NEBL: variants seen among roughly 807,000 people sequenced by gnomAD.
NEBL encodes nebulette, also known as LIM and SH3 protein 2.
A neutral mutation model predicts 140.2 loss-of-function variants in NEBL; 122 were observed. The observed-to-expected ratio is 0.87, with a 90% CI of 0.75 to 1.01. The LOEUF is 1.01. Among genes scored for constraint, NEBL ranks in the 50% least tolerant of loss-of-function variants. NEBL has a pLI of 0.00. For missense variants in NEBL, 1,365 were observed against 1,231.3 expected, an observed-to-expected ratio of 1.11 and a Z score of -1.62; for synonymous variants, 436 against 398.9, an observed-to-expected ratio of 1.09 and a Z score of -1.11.
intron 2 of NEBL, among the ~76,000 whole-genome samples, chr10:21,028,507 G>A (rs1038593327): frequency 2.6e-5 from 4 of 152,064 alleles, no homozygotes; most frequent in African/African-American, 7.2e-5. Flanking sequence ...TAATAACAGT[G>A]TCTACTATAT....
chr10:21,155,814 C>T (rs1840316981), intron 2 of NEBL, among the ~76,000 whole-genome samples: 1 of 152,206 alleles, frequency 6.6e-6, no homozygotes, highest in South Asian at 2.1e-4. Flanking sequence ...CGTGTTTCCA[C>T]TTATTGAGCT....
chr10:21,231,538 C>CA (rs201224705), intron 3 of NEBL, among the ~76,000 whole-genome samples: 6,043 of 144,000 alleles, frequency 0.042, 182 homozygotes, highest in South Asian at 0.14. Flanking sequence ...GACTCTGTCT[C>CA]AAAAAAAAAC....
intron 4 of NEBL, among the ~76,000 whole-genome samples, chr10:20,942,307 TTGACAAACC>T (rs1279169426): frequency 6.6e-6 from 1 of 152,206 alleles, no homozygotes; most frequent in East Asian, 1.9e-4. Flanking sequence ...CATCTGTTCT[TTGACAAACC>T]TGACAAAAAC....
chr10:20,848,825 C>T (rs1405807396), intron 11 of NEBL, among the ~76,000 whole-genome samples: 2 of 152,156 alleles, frequency 1.3e-5, no homozygotes, highest in Non-Finnish European at 2.9e-5. Context: ...ACAAAAAATA[C>T]AAGTAATTCT....
chr10:20,829,355 A>ATG (rs1174339042), intron 16 of NEBL, among the ~76,000 whole-genome samples: 2 of 150,302 alleles, frequency 1.3e-5, no homozygotes, highest in East Asian at 4.0e-4. Flanking sequence ...CAAACACTGC[A>ATG]TATTCTCACT....
chr10:20,850,541 C>G, intron 10 of NEBL, 39 bp from the exon 11 acceptor site: 1 of 1,332,378 alleles, frequency 7.5e-7, no homozygotes, highest in Non-Finnish European at 1.1e-6. Context: ...AATCGAAAGT[C>G]CTTATACAAA....
intron 2 of NEBL, among the ~76,000 whole-genome samples, chr10:21,040,867 G>T (rs901988470): frequency 2.6e-5 from 4 of 151,970 alleles, no homozygotes; most frequent in African/African-American, 9.7e-5. Context: ...CTTCCCCTTA[G>T]CCCTCTTCCT....
intron 3 of NEBL, among the ~76,000 whole-genome samples, chr10:21,206,386 T>G (rs1336647871): frequency 6.6e-6 from 1 of 152,228 alleles, no homozygotes; most frequent in Non-Finnish European, 1.5e-5. Context: ...CATGTGCTAG[T>G]GAAAATTCAG....
chr10:20,933,375 G>A (rs186735515), intron 4 of NEBL, among the ~76,000 whole-genome samples: 14 of 152,204 alleles, frequency 9.2e-5, no homozygotes, highest in South Asian at 4.1e-4. Context: ...AAACTTACCC[G>A]TACACTACTA....
chr10:20,836,006 G>A (rs1216495094), intron 13 of NEBL, among the ~76,000 whole-genome samples: 2 of 152,056 alleles, frequency 1.3e-5, no homozygotes, highest in African/African-American at 4.8e-5. Context: ...AACCTTTCCA[G>A]TTTACTCATC....
intron 3 of NEBL, among the ~76,000 whole-genome samples, chr10:21,240,977 G>A (rs1486284484): frequency 2.7e-5 from 4 of 150,312 alleles, no homozygotes; most frequent in African/African-American, 9.8e-5. Flanking sequence ...ACAACTTTTG[G>A]CATGTTGAGA....
chr10:20,867,970 A>G (rs1486049787), intron 7 of NEBL: 2 of 149,346 alleles, frequency 1.3e-5, no homozygotes, highest in Non-Finnish European at 3.0e-5. Flanking sequence ...GTTCCCCTTC[A>G]CTGGTCTTCA....
chr10:21,168,351 T>C (rs1167274536), intron 2 of NEBL, among the ~76,000 whole-genome samples: 1 of 152,236 alleles, frequency 6.6e-6, no homozygotes, highest in Non-Finnish European at 1.5e-5. Flanking sequence ...CATTTAATTA[T>C]GGATGTTTTT....
At chr10:21,089,010 C>T (rs1251894261) in intron 2 of NEBL, among the ~76,000 whole-genome samples, 1 of 152,102 alleles carries the variant, frequency 6.6e-6, no homozygotes, top group Non-Finnish European at 1.5e-5. Flanking sequence ...AAATGAGGGT[C>T]CCCTGGCACT....
At chr10:21,057,678 C>G (rs1332191648) in intron 2 of NEBL, among the ~76,000 whole-genome samples, 1 of 149,466 alleles carries the variant, frequency 6.7e-6, no homozygotes, top group Non-Finnish European at 1.5e-5. Context: ...GCTTCCTGAA[C>G]AGCTGGGACT....
At chr10:21,108,924 T>G (rs911416550) in intron 2 of NEBL, among the ~76,000 whole-genome samples, 8 of 152,192 alleles carry the variant, frequency 5.3e-5, no homozygotes, top group African/African-American at 1.9e-4. Context: ...TTTCTAAATG[T>G]ACAATCATGT....
intron 2 of NEBL, among the ~76,000 whole-genome samples, chr10:21,120,012 T>C (rs1838459260): frequency 6.6e-6 from 1 of 152,032 alleles, no homozygotes; most frequent in South Asian, 2.1e-4. Flanking sequence ...GAATGCTAAG[T>C]GATGGGCAGA....
At chr10:21,194,738 C>T (rs1280066107) in intron 3 of NEBL, among the ~76,000 whole-genome samples, 1 of 152,180 alleles carries the variant, frequency 6.6e-6, no homozygotes, top group Non-Finnish European at 1.5e-5. Context: ...CATCAGCCAA[C>T]AAATTCCTTT....
chr10:20,945,074 T>TA (rs1412821691), intron 4 of NEBL, among the ~76,000 whole-genome samples: 2 of 152,212 alleles, frequency 1.3e-5, no homozygotes, highest in Non-Finnish European at 2.9e-5. Context: ...ACTTTCAGGA[T>TA]AAAATTAGTA....
Sources: gnomAD v4.1 joint callset for allele counts (sites outside exome capture counted in the v4.1 genomes callset) on GRCh38, gnomAD v4.1.1 for gene constraint, MANE v1.5 for transcripts, NCBI Gene and HGNC (gene_info 2026-07-23, HGNC 2026-07-21) for gene names.